ANP32B: variants seen among roughly 807,000 people sequenced by gnomAD.
ANP32B encodes acidic nuclear phosphoprotein 32 family member B.
In ANP32B, 6 loss-of-function variants were observed where a neutral mutation model predicts 32.2. The ratio of observed to expected loss-of-function variants is 0.19; its 90% CI spans 0.10 to 0.37. The LOEUF is 0.37. ANP32B is among the 10% of genes least tolerant of loss of function. The pLI, the probability that ANP32B is intolerant of heterozygous loss-of-function variation, is 1.00. For synonymous variants in ANP32B, 98 were observed against 105.8 expected (o/e 0.93, Z 0.45); for missense variants, 204 against 289.2 (o/e 0.71, Z 2.14).
chr9:98,013,855 CAA>C (rs879719430), intron 6 of ANP32B, among the ~76,000 whole-genome samples: 6 of 140,792 alleles, frequency 4.3e-5, no homozygotes, highest in Non-Finnish European at 4.7e-5. Flanking sequence ...GACTCTGTCT[CAA>C]AAAAAAAAAA....
At chr9:98,004,824 T>G (rs1166130157) in intron 3 of ANP32B, 140 bp from the exon 4 acceptor site, 2 of 569,770 alleles carry the variant, frequency 3.5e-6, no homozygotes, top group Admixed American at 7.0e-5. Context: ...TGCAAAAGAC[T>G]TGATGTATTT....
intron 2 of ANP32B, among the ~76,000 whole-genome samples, 196 bp from the exon 3 acceptor site, chr9:97,998,358 AAC>A (rs527595923): frequency 2.0e-4 from 30 of 152,228 alleles, no homozygotes; most frequent in Admixed American, 3.9e-4. Context: ...TGATTAGGAA[AAC>A]ACAATACTTC....
At chr9:97,984,988 G>A (rs1475795230) in intron 1 of ANP32B, among the ~76,000 whole-genome samples, 9 of 150,896 alleles carry the variant, frequency 6.0e-5, no homozygotes, top group Admixed American at 4.0e-4. Context: ...TTGCGGCGCG[G>A]CTGCGTGGGC....
intron 6 of ANP32B, among the ~76,000 whole-genome samples, chr9:98,013,269 C>T (rs1828218484): frequency 1.3e-5 from 2 of 152,188 alleles, no homozygotes; most frequent in South Asian, 2.1e-4. Context: ...TCAAGTGATC[C>T]ACCCACCTCG....
chr9:98,006,387 A>G lies in ANP32B; in HGVS notation c.517+1234A>G, dbSNP rs150233393. On this transcript the variant is annotated intron_variant, in intron 4 of 6. Coordinates refer to ENST00000339399, the MANE Select transcript of ANP32B (RefSeq NM_006401.3). Reference sequence around the variant, plus strand: ...CAGTGCATGGCCTGCCCATTTTTTTATTTACCACTTCCATCCACACCTCTT... The same window carrying G: ...CAGTGCATGGCCTGCCCATTTTTTTGTTTACCACTTCCATCCACACCTCTT... Among the ~76,000 whole-genome samples, 128 of 151,776 alleles carry G rather than the reference A, an allele frequency of 8.4e-4. 1 individual carries two copies. The highest frequency in any genetic ancestry group is 8.5e-4 in the African/African-American group (35 of 41,352).
intron 6 of ANP32B, among the ~76,000 whole-genome samples, chr9:98,014,486 G>GA (rs1024349311): frequency 2.6e-5 from 4 of 151,948 alleles, no homozygotes; most frequent in African/African-American, 9.6e-5. Context: ...TTTATTAGTT[G>GA]AAAAAATTGG....
intron 2 of ANP32B, among the ~76,000 whole-genome samples, chr9:97,995,930 TAAAAAAA>T (rs570340593): frequency 2.6e-5 from 3 of 116,660 alleles, no homozygotes; most frequent in African/African-American, 6.2e-5. Context: ...TGTCTCGATT[TAAAAAAA>T]AAAAAAAAAA....
intron 1 of ANP32B, among the ~76,000 whole-genome samples, chr9:97,991,280 T>A (rs1191458309): frequency 6.6e-6 from 1 of 152,010 alleles, no homozygotes; most frequent in African/African-American, 2.4e-5. Flanking sequence ...CATGCCCAGA[T>A]AATTATTTAT....
intron 1 of ANP32B, among the ~76,000 whole-genome samples, chr9:97,988,192 C>G (rs1827769030): frequency 6.6e-6 from 1 of 151,880 alleles, no homozygotes; most frequent in African/African-American, 2.4e-5. Flanking sequence ...ATTTTATAGA[C>G]TCATTATTAA....
At chr9:98,003,649 TTTTGTCTGCA>T (rs1459191795) in intron 3 of ANP32B, among the ~76,000 whole-genome samples, 9 of 152,200 alleles carry the variant, frequency 5.9e-5, no homozygotes, top group Non-Finnish European at 1.0e-4. Context: ...TAAGGTTTTG[TTTTGTCTGCA>T]TTTCTTCTCA....
At chr9:98,003,299 G>C (rs893781586) in intron 3 of ANP32B, among the ~76,000 whole-genome samples, 1 of 152,204 alleles carries the variant, frequency 6.6e-6, no homozygotes, top group Non-Finnish European at 1.5e-5. Context: ...TAAAACAAGT[G>C]TGGGAGCCTC....
At chr9:97,985,982 C>T (rs1827725139) in intron 1 of ANP32B, among the ~76,000 whole-genome samples, 3 of 152,166 alleles carry the variant, frequency 2.0e-5, no homozygotes, top group Non-Finnish European at 4.4e-5. Flanking sequence ...CCACCATGCT[C>T]GGCTAATTTT....
chr9:98,000,149 T>G (rs1216145109), intron 3 of ANP32B, among the ~76,000 whole-genome samples: 1 of 152,214 alleles, frequency 6.6e-6, no homozygotes, highest in Non-Finnish European at 1.5e-5. Context: ...TGTGCATGTG[T>G]ATATGTATTC....
At chr9:98,004,769 A>C (rs1465269394) in intron 3 of ANP32B, among the ~76,000 whole-genome samples, 195 bp from the exon 4 acceptor site, 1 of 152,218 alleles carries the variant, frequency 6.6e-6, no homozygotes, top group Non-Finnish European at 1.5e-5. Flanking sequence ...GGGAGAGTAG[A>C]TAAAGGAAGA....
intron 4 of ANP32B, among the ~76,000 whole-genome samples, chr9:98,007,751 A>G (rs1828111521): frequency 6.6e-6 from 1 of 152,220 alleles, no homozygotes; most frequent in Non-Finnish European, 1.5e-5. Flanking sequence ...GCTAGCTGAC[A>G]AATGTCACCT....
intron 1 of ANP32B, among the ~76,000 whole-genome samples, chr9:97,986,120 C>G (rs866472948): frequency 6.6e-6 from 1 of 152,178 alleles, no homozygotes; most frequent in Non-Finnish European, 1.5e-5. Flanking sequence ...CGCCCCCGGC[C>G]ACCAGTTCAT....
intron 6 of ANP32B, among the ~76,000 whole-genome samples, chr9:98,015,147 CTT>C (rs1169079413): frequency 6.6e-6 from 1 of 152,194 alleles, no homozygotes; most frequent in Admixed American, 6.5e-5. Flanking sequence ...ACTGGATTAA[CTT>C]TTCCTGGGTG....
chr9:97,995,685 C>A (rs1827892092), intron 2 of ANP32B, among the ~76,000 whole-genome samples: 1 of 151,960 alleles, frequency 6.6e-6, no homozygotes, highest in African/African-American at 2.4e-5. Context: ...CTTTGGGAGG[C>A]CAAGGTGGGA....
intron 1 of ANP32B, among the ~76,000 whole-genome samples, chr9:97,989,028 A>G (rs746637700): frequency 2.3e-4 from 35 of 152,262 alleles, no homozygotes; most frequent in Non-Finnish European, 4.3e-4. Flanking sequence ...CTTTTTTCAT[A>G]ATAGCTAGGG....
Sources: gnomAD v4.1 joint callset for allele counts (sites outside exome capture counted in the v4.1 genomes callset) on GRCh38, gnomAD v4.1.1 for gene constraint, MANE v1.5 for transcripts, NCBI Gene and HGNC (gene_info 2026-07-23, HGNC 2026-07-21) for gene names.